Variants in DNAH5 observed in about 807,000 individuals in gnomAD.
DNAH5 encodes dynein axonemal heavy chain 5.
Under a neutral mutation model 518.2 loss-of-function variants are expected in DNAH5, and 372 were observed. The ratio of observed to expected loss-of-function variants is 0.72; its 90% CI spans 0.66 to 0.78. The LOEUF (loss-of-function observed/expected upper bound fraction) is 0.78, where lower values mean the gene tolerates loss of function less well. Among genes scored for constraint, DNAH5 ranks in the 30% least tolerant of loss-of-function variants. The pLI, the probability that DNAH5 is intolerant of heterozygous loss-of-function variation, is 0.00. For synonymous variants in DNAH5, 2,039 were observed against 2,025.9 expected, an observed-to-expected ratio of 1.01 and a Z score of -0.17; for missense variants, 5,523 against 5,687.0, an observed-to-expected ratio of 0.97 and a Z score of 0.93.
chr5:13,930,169 C>G (rs1317934162), intron 2 of DNAH5, among the ~76,000 whole-genome samples: 1 of 152,236 alleles, frequency 6.6e-6, no homozygotes, highest in South Asian at 2.1e-4. Context: ...CCTACTAACC[C>G]CACCAGAGTA....
chr5:13,793,855 T>TA, intron 48 of DNAH5, 81 bp downstream of exon 48: 1 of 1,558,618 alleles, frequency 6.4e-7, no homozygotes, highest in Non-Finnish European at 8.7e-7. Flanking sequence ...AGTAAAAACT[T>TA]AAAAAAAATT....
intron 16 of DNAH5, among the ~76,000 whole-genome samples, chr5:13,893,815 C>T (rs1239273940): frequency 1.3e-5 from 2 of 151,286 alleles, no homozygotes. Flanking sequence ...AGGGGCAAGA[C>T]TCACTCTGGG....
At chr5:13,931,045 G>A in intron 2 of DNAH5, 65 bp downstream of exon 2, 1 of 1,608,836 alleles carries the variant, frequency 6.2e-7, no homozygotes, top group Non-Finnish European at 8.5e-7. Flanking sequence ...CCTGCCACAG[G>A]ACTGTGTCAA....
Position 13,716,544 on chromosome 5 carries a change from G to A in DNAH5, c.12852C>T (p.Tyr4284=). ...TGCATTTTGGAATATTGTATCCTTG[G>A]TAAAAACTGAAATCTGGTCCAAACA... is the stretch of plus-strand genomic sequence containing the variant. ...ENMFGPDFSF[Y]QGYNIPKCST... Residue 4284 remains tyrosine, a synonymous_variant, in exon 74 of 79, where the codon TAC becomes TAT. Coordinates refer to ENST00000265104, the MANE Select transcript of DNAH5 (RefSeq NM_001369.3). 1 of 1,613,896 alleles carries A rather than the reference G, an allele frequency of 6.2e-7. No individual in the cohort carries two copies. Among genetic ancestry groups the A allele is most frequent in the Non-Finnish European group, 8.5e-7 (1 of 1,179,878 alleles).
rs144287016 is a variant in DNAH5, at chr5:13,721,233, T to G, written c.12046A>C (p.Ile4016Leu). Reference sequence around the variant, plus strand: ...TATTTTTCTCCCATGGAGTCCACGATGTACTTGCGGGCCTGCCAAAAACAG... The same window carrying G: ...TATTTTTCTCCCATGGAGTCCACGAGGTACTTGCGGGCCTGCCAAAAACAG... ...DRTIAQARKYIVDSMGEKYAE... is the reference protein window; with the variant it reads ...DRTIAQARKYLVDSMGEKYAE... Residue 4016 changes from isoleucine to leucine, a missense_variant, in exon 71 of 79, where the codon ATC (isoleucine) becomes CTC (leucine). Physicochemically the swap from Ile to Leu is conservative, Grantham distance 5. Coordinates refer to ENST00000265104, the MANE Select transcript of DNAH5 (RefSeq NM_001369.3). The G allele has an allele frequency of 3.1e-6, 5 of 1,614,028 alleles. No homozygotes were observed. The highest frequency in any genetic ancestry group is 4.2e-6 in the Non-Finnish European group (5 of 1,179,994).
At chr5:13,753,843 G>C (rs1405344316) in intron 62 of DNAH5, among the ~76,000 whole-genome samples, 1 of 152,130 alleles carries the variant, frequency 6.6e-6, no homozygotes, top group Non-Finnish European at 1.5e-5. Flanking sequence ...AACCTCATAA[G>C]ACAGAGCCTT....
At chr5:13,928,619 C>T (rs1311386858) in intron 2 of DNAH5, among the ~76,000 whole-genome samples, 1 of 152,156 alleles carries the variant, frequency 6.6e-6, no homozygotes, top group African/African-American at 2.4e-5. Context: ...ACATATCTGA[C>T]TATGAACACA....
chr5:13,864,565 G>A lies in DNAH5; in HGVS notation c.4428C>T (p.Phe1476=). Residue 1476 remains phenylalanine, a synonymous_variant, in exon 28 of 79, where the codon TTC becomes TTT. Transcript: ENST00000265104. ...ATTCCAGCAGCGGGCAACACTCGCT[G>A]AAATCATCAATGATCTTCTTCAGGT... ...FLDLKKIIDD[F]SECCPLLEYM... 8 of 1,614,108 alleles carry A rather than the reference G, an allele frequency of 5.0e-6. No individual in the cohort carries two copies. Among genetic ancestry groups the A allele is most frequent in the Non-Finnish European group, 6.8e-6 (8 of 1,180,026 alleles).
intron 52 of DNAH5, among the ~76,000 whole-genome samples, chr5:13,782,197 G>A (rs1481460730): frequency 1.3e-5 from 2 of 152,116 alleles, no homozygotes; most frequent in Non-Finnish European, 2.9e-5. Flanking sequence ...GACTGGAAGG[G>A]GTCACTTCTC....
intron 15 of DNAH5, 170 bp downstream of exon 15, chr5:13,900,036 A>G: frequency 1.6e-6 from 1 of 629,262 alleles, no homozygotes; most frequent in Non-Finnish European, 2.8e-6. Context: ...CAAGACCTGT[A>G]ACGGCCTGGC....
At chr5:13,818,118 C>T (rs1490584659) in intron 41 of DNAH5, among the ~76,000 whole-genome samples, 5 of 152,176 alleles carry the variant, frequency 3.3e-5, no homozygotes, top group African/African-American at 4.8e-5. Context: ...TCTTGCTCAC[C>T]TTGAAAACGA....
At chr5:13,726,788 C>G (rs1446091336) in intron 70 of DNAH5, among the ~76,000 whole-genome samples, 3 of 152,182 alleles carry the variant, frequency 2.0e-5, no homozygotes, top group African/African-American at 7.2e-5. Flanking sequence ...AAATATCTTA[C>G]ATTCTATTAT....
chr5:13,946,425 G>T (rs1164643941), upstream of DNAH5, among the ~76,000 whole-genome samples: 1 of 152,130 alleles, frequency 6.6e-6, no homozygotes, highest in Non-Finnish European at 1.5e-5. Flanking sequence ...GAGCGCTCAG[G>T]CTCACTGGAA....
chr5:13,900,341 T>C lies in DNAH5; in HGVS notation c.2124A>G (p.Val708=). The part of the protein sequence containing the change: ...VKAPGTGELF[V]NFDPQILILF... ...AGATTAATATCTGAGGGTCAAAGTTTACAAACAATTCCCCTGTGCCTGGAG... is the reference window on the plus strand; with the variant it reads ...AGATTAATATCTGAGGGTCAAAGTTCACAAACAATTCCCCTGTGCCTGGAG... The change falls in exon 15 of 79, where the codon GTA becomes GTG. Residue 708 remains valine, a synonymous_variant. Transcript: ENST00000265104. The C allele has an allele frequency of 6.2e-7, 1 of 1,614,158 alleles. No homozygotes were observed.
In DNAH5 at chr5:13,914,504, C is replaced by T. The variant is rs1266300524; in HGVS notation, c.1320+16G>A. 3.1e-6 allele frequency: 5 copies of T among 1,611,824 alleles called. No homozygotes were observed. Among genetic ancestry groups the T allele is most frequent in the Non-Finnish European group, 4.2e-6 (5 of 1,178,864 alleles). On this transcript the variant is annotated intron_variant, in intron 10 of 78. Coordinates refer to ENST00000265104, the MANE Select transcript of DNAH5 (RefSeq NM_001369.3). ...ATAAAAAGAATAGAACATCTAAATA[C>T]TAAACTGACCATTACCTGTTTCAGT... is the stretch of plus-strand genomic sequence containing the variant.
rs548316813 is a variant in DNAH5 at position 13,884,500 on chromosome 5, A to G, written c.2983+489T>C. Among the ~76,000 whole-genome samples, 57 of 152,356 alleles carry G rather than the reference A, an allele frequency of 3.7e-4. 1 individual carries two copies. The highest frequency in any genetic ancestry group is 1.4e-3 in the African/African-American group (57 of 41,584). ...TCTACTTAATAGAATTGTTGGGATG[A>G]TCAAAGTTCATAATGTTTAAAATTA... On this transcript the variant is annotated intron_variant, in intron 19 of 78. Coordinates refer to ENST00000265104, the MANE Select transcript of DNAH5 (RefSeq NM_001369.3).
chr5:13,898,312 C>T (rs965846582), intron 15 of DNAH5: 3 of 354,972 alleles, frequency 8.5e-6, no homozygotes, highest in African/African-American at 6.3e-5. Context: ...TCTGCAAATA[C>T]AATTAAATTA....
At position 13,813,523 on chromosome 5, in the gene DNAH5, A is replaced by T. The variant is rs562906068; in HGVS notation, c.7230+1082T>A. Among the ~76,000 whole-genome samples the T allele has an allele frequency of 2.6e-5, 4 of 151,116 alleles. No individual in the cohort carries two copies. The East Asian group carries it at 7.8e-4, about 29-fold the overall frequency. On this transcript the variant is annotated intron_variant, in intron 43 of 78. Transcript: ENST00000265104. ...TTCTAATTTGGTAAGATTGAAGTGT[A>T]ACCCAATCATCTGTATTTTAAAGAA... is the stretch of plus-strand genomic sequence containing the variant.
At chr5:13,899,781 C>T in intron 15 of DNAH5, 1 of 203,372 alleles carries the variant, frequency 4.9e-6, no homozygotes, top group Non-Finnish European at 1.0e-5. Context: ...TGACATAACT[C>T]TAAATTCTCC....
Sources: gnomAD v4.1 joint callset for allele counts (sites outside exome capture counted in the v4.1 genomes callset) on GRCh38, gnomAD v4.1.1 for gene constraint, MANE v1.5 for transcripts, NCBI Gene and HGNC (gene_info 2026-07-23, HGNC 2026-07-21) for gene names.